The following ANO10 variants were observed in gnomAD, a reference collection of about 807,000 sequenced individuals.
The protein encoded by ANO10 is anoctamin 10, also known as anoctamin-10.
In ANO10, 77 loss-of-function variants were observed where a neutral mutation model predicts 74.7. The ratio of observed to expected loss-of-function variants is 1.03; its 90% confidence interval spans 0.86 to 1.25. ANO10 has a LOEUF of 1.25. Among genes scored for constraint, ANO10 ranks in the 50% most tolerant of loss-of-function variants. ANO10 has a pLI of 0.00. For synonymous variants in ANO10, 279 were observed against 284.9 expected, an observed-to-expected ratio of 0.98 and a Z score of 0.21; for missense variants, 721 against 778.1, an observed-to-expected ratio of 0.93 and a Z score of 0.87.
At chr3:43,666,387 T>C (rs147262475) in intron 1 of ANO10, among the ~76,000 whole-genome samples, 3,217 of 152,322 alleles carry the variant, frequency 0.021, 55 homozygotes, top group South Asian at 0.092. Flanking sequence ...GTAATTAGTT[T>C]TCTGTAAGTT....
chr3:43,528,609 A>G (rs781385162), intron 11 of ANO10, among the ~76,000 whole-genome samples: 16 of 152,174 alleles, frequency 1.1e-4, no homozygotes, highest in Non-Finnish European at 2.2e-4. Context: ...GACACTGAAG[A>G]AAAGCTTGAA....
chr3:43,493,364 G>A (rs376795330), intron 11 of ANO10, among the ~76,000 whole-genome samples: 2 of 151,910 alleles, frequency 1.3e-5, no homozygotes, highest in Non-Finnish European at 2.9e-5. Context: ...TTATACCTAC[G>A]TAACAAAAGT....
rs144955458 is a variant in ANO10, at chr3:43,485,199, C to T, written c.1798-52472G>A. 204 of 688,924 alleles carry T rather than the reference C, an allele frequency of 3.0e-4. No individual in the cohort carries two copies. The African/African-American group carries it at 3.2e-3, about 11-fold the overall frequency. 42.7% of individuals were successfully genotyped at this position (688,924 alleles called of 1,614,324 possible). On this transcript the variant is annotated intron_variant, in intron 11 of 12. Coordinates refer to ENST00000292246, the MANE Select transcript of ANO10 (RefSeq NM_018075.5). ...GACAGCGCCTGCGGTGGTCAGGTAC[C>T]GGTATTGCCGGTACATGTTGTAGGT...
At chr3:43,431,591 C>CA (rs2092982021) in intron 12 of ANO10, among the ~76,000 whole-genome samples, 1 of 151,920 alleles carries the variant, frequency 6.6e-6, no homozygotes, top group East Asian at 1.9e-4. Flanking sequence ...GCCCACATGC[C>CA]AAAAGTGAAC....
intron 11 of ANO10, among the ~76,000 whole-genome samples, chr3:43,539,935 G>A (rs1329065750): frequency 6.6e-6 from 1 of 152,152 alleles, no homozygotes; most frequent in African/African-American, 2.4e-5. Flanking sequence ...GTTACCCACT[G>A]TAAGACCTTA....
Position 43,366,621 on chromosome 3 carries a change from G to T in ANO10, c.*285C>A. 1.9e-6 allele frequency: 1 copy of T among 515,648 alleles called. No homozygotes were observed. 31.9% of individuals were successfully genotyped at this position (515,648 alleles called of 1,614,324 possible). A position where few individuals can be genotyped will look rare whatever the true frequency, so the allele number is the denominator to read the frequency against. On this transcript the variant is annotated 3_prime_UTR_variant, in exon 13 of 13. Coordinates refer to ENST00000292246, the MANE Select transcript of ANO10 (RefSeq NM_018075.5). ...CACTCATGGTGAGAGGCTCAAGGGC[G>T]GCAGTGGCTCTGCAGCAAAGTTGGC...
intron 4 of ANO10, among the ~76,000 whole-genome samples, chr3:43,590,265 C>T (rs1306437918): frequency 6.6e-6 from 1 of 152,142 alleles, no homozygotes; most frequent in Non-Finnish European, 1.5e-5. Flanking sequence ...ATAAATACTA[C>T]ATCTTACTTA....
chr3:43,382,505 C>T (rs1305205087), intron 12 of ANO10, among the ~76,000 whole-genome samples: 1 of 143,462 alleles, frequency 7.0e-6, no homozygotes, highest in East Asian at 2.0e-4. Context: ...GGCGACAGAG[C>T]GAGACTCCGT....
chr3:43,433,521 T>G (rs1448188674), intron 11 of ANO10, among the ~76,000 whole-genome samples: 1 of 152,164 alleles, frequency 6.6e-6, no homozygotes, highest in Non-Finnish European at 1.5e-5. Flanking sequence ...TTTTATGATG[T>G]GATAATAAAT....
intron 10 of ANO10, among the ~76,000 whole-genome samples, chr3:43,554,172 G>T (rs1028006510): frequency 1.3e-5 from 2 of 148,812 alleles, no homozygotes. Context: ...TTCTTTCTAT[G>T]ATGAGTGATT....
chr3:43,547,465 G>T (rs1177059066), intron 11 of ANO10, among the ~76,000 whole-genome samples: 2 of 152,146 alleles, frequency 1.3e-5, no homozygotes, highest in Admixed American at 6.5e-5. Context: ...CCTGAAACCT[G>T]CAGGGAGCCT....
In ANO10 at chr3:43,416,654, G is replaced by A. The variant is rs145166389; in HGVS notation, c.1914+15957C>T. Among the ~76,000 whole-genome samples the A allele has an allele frequency of 6.8e-4, 104 of 152,222 alleles. 2 individuals are homozygous for A. Among genetic ancestry groups the A allele is most frequent in the African/African-American group, 2.1e-3 (86 of 41,522 alleles). On this transcript the variant is annotated intron_variant, in intron 12 of 12. Transcript: ENST00000292246. Reference sequence around the variant, plus strand: ...GTGAGGCCTTGTTCACATAATTTTAGCTCATTTGTAAATGGAATTACCAAG... The same window carrying A: ...GTGAGGCCTTGTTCACATAATTTTAACTCATTTGTAAATGGAATTACCAAG...
intron 1 of ANO10, among the ~76,000 whole-genome samples, chr3:43,676,116 A>G (rs2084117191): frequency 6.6e-6 from 1 of 152,198 alleles, no homozygotes. Context: ...GTTTATGTAC[A>G]ACAATTTTAA....
chr3:43,517,212 G>C (rs1233906745), intron 11 of ANO10, among the ~76,000 whole-genome samples: 1 of 152,138 alleles, frequency 6.6e-6, no homozygotes, highest in Non-Finnish European at 1.5e-5. Flanking sequence ...AAGATTATAT[G>C]AATTTGATAA....
chr3:43,623,076 G>A (rs1251313740), upstream of ANO10, among the ~76,000 whole-genome samples: 1 of 152,156 alleles, frequency 6.6e-6, no homozygotes, highest in Non-Finnish European at 1.5e-5. Context: ...ATGTTGGCCA[G>A]GCTGGTCTAG....
At chr3:43,687,370 G>C (rs1575593890) in intron 1 of ANO10, among the ~76,000 whole-genome samples, 1 of 152,176 alleles carries the variant, frequency 6.6e-6, no homozygotes, top group Non-Finnish European at 1.5e-5. Flanking sequence ...TTGCTTGGCA[G>C]GCTTGTGATA....
chr3:43,504,447 A>T (rs1472078327), intron 11 of ANO10, among the ~76,000 whole-genome samples: 2 of 152,174 alleles, frequency 1.3e-5, no homozygotes, highest in African/African-American at 4.8e-5. Flanking sequence ...CTCTGCTAAG[A>T]AATGTAAATA....
chr3:43,690,668 T>C, intron 1 of ANO10: 1 of 334,034 alleles, frequency 3.0e-6, no homozygotes. Flanking sequence ...GATGCATGAA[T>C]ACAGTCATTA....
chr3:43,465,687 T>C (rs2075580881), intron 11 of ANO10, among the ~76,000 whole-genome samples: 1 of 152,144 alleles, frequency 6.6e-6, no homozygotes, highest in South Asian at 2.1e-4. Flanking sequence ...ATGAGACCAC[T>C]GTCATATATA....
Sources: gnomAD v4.1 joint callset for allele counts (sites outside exome capture counted in the v4.1 genomes callset) on GRCh38, gnomAD v4.1.1 for gene constraint, MANE v1.5 for transcripts, NCBI Gene and HGNC (gene_info 2026-07-23, HGNC 2026-07-21) for gene names.